The following SLC16A7 variants were observed in gnomAD, a reference collection of about 807,000 sequenced individuals.
SLC16A7 encodes monocarboxylate transporter 2.
SLC16A7 carries 33 observed loss-of-function variants against 34.9 expected under a neutral mutation model. That is an observed-to-expected ratio of 0.94 (90% CI 0.72 to 1.26). The LOEUF is 1.26. Ranked by LOEUF, SLC16A7 falls within the 50% of genes most tolerant of loss-of-function variation. SLC16A7 has a pLI of 0.00. For synonymous variants in SLC16A7, 201 were observed against 206.6 expected, an observed-to-expected ratio of 0.97 and a Z score of 0.23; for missense variants, 573 against 578.1, an observed-to-expected ratio of 0.99 and a Z score of 0.09.
chr12:59,735,727 CAT>C (rs1318706986), intron 3 of SLC16A7, among the ~76,000 whole-genome samples: 1 of 152,080 alleles, frequency 6.6e-6, no homozygotes, highest in African/African-American at 2.4e-5. Context: ...TATATTAAAA[CAT>C]AAATTTAATA....
At chr12:59,647,316 T>G (rs1162670864) in intron 1 of SLC16A7, among the ~76,000 whole-genome samples, 1 of 152,122 alleles carries the variant, frequency 6.6e-6, no homozygotes, top group Non-Finnish European at 1.5e-5. Context: ...CCTGTGCTGT[T>G]CCTGTGATAG....
intron 3 of SLC16A7, among the ~76,000 whole-genome samples, chr12:59,727,607 CTAATT>C (rs1349848672): frequency 3.3e-5 from 5 of 152,076 alleles, no homozygotes; most frequent in African/African-American, 1.2e-4. Flanking sequence ...AATTAGCCAT[CTAATT>C]TAAGTTCTAT....
chr12:59,691,134 T>C (rs369935835), intron 2 of SLC16A7, among the ~76,000 whole-genome samples: 2 of 152,128 alleles, frequency 1.3e-5, no homozygotes, highest in East Asian at 3.9e-4. Flanking sequence ...TCATACATGG[T>C]CACTTTCCAA....
chr12:59,650,654 T>A (rs1293303353), intron 1 of SLC16A7, among the ~76,000 whole-genome samples: 2 of 152,166 alleles, frequency 1.3e-5, no homozygotes. Context: ...AGTGAATATA[T>A]CTATTCACAT....
chr12:59,600,560 C>G lies in SLC16A7; in HGVS notation c.-130+4324C>G, dbSNP rs1878634975. Reference sequence around the variant, plus strand: ...GAGTCTACCTATGTGAGAGATCCAGCTGTTTAAAATCATAATATGAGAGAC... The same window carrying G: ...GAGTCTACCTATGTGAGAGATCCAGGTGTTTAAAATCATAATATGAGAGAC... On this transcript the variant is annotated intron_variant, in intron 1 of 5. Coordinates refer to ENST00000547379, the MANE Select transcript of SLC16A7 (RefSeq NM_001270623.2). Among the ~76,000 whole-genome samples the G allele has an allele frequency of 1.3e-5, 2 of 151,874 alleles. 1 individual carries two copies. The highest frequency in any genetic ancestry group is 4.2e-4 in the South Asian group (2 of 4,812).
At chr12:59,678,303 G>A (rs1870472233) in intron 2 of SLC16A7, among the ~76,000 whole-genome samples, 1 of 152,190 alleles carries the variant, frequency 6.6e-6, no homozygotes, top group South Asian at 2.1e-4. Context: ...CCTGTGTCCA[G>A]GAAGAATGAG....
At chr12:59,707,558 A>G (rs539714680) in intron 3 of SLC16A7, among the ~76,000 whole-genome samples, 364 of 152,070 alleles carry the variant, frequency 2.4e-3, no homozygotes, top group African/African-American at 7.3e-3. Flanking sequence ...GCACAAAAGA[A>G]CTCTTCTGAA....
At chr12:59,753,838 T>C (rs1225569292) in intron 3 of SLC16A7, among the ~76,000 whole-genome samples, 1 of 152,130 alleles carries the variant, frequency 6.6e-6, no homozygotes, top group African/African-American at 2.4e-5. Context: ...TATTCCAAAA[T>C]TGACCACATA....
rs141650282 is a variant in SLC16A7, at chr12:59,775,169, G to A, written c.874G>A (p.Val292Ile). The change falls in exon 5 of 6, where the codon GTT (valine) becomes ATT (isoleucine). Residue 292 changes from valine to isoleucine, a missense_variant. Coordinates refer to ENST00000547379, the MANE Select transcript of SLC16A7 (RefSeq NM_001270623.2). ...TTTTCTGCTATCTGTTATGGCTTTC[G>A]TTGATATGTTTGCTAGGCCTTCTGT... ...AAFLLSVMAF[V>I]DMFARPSVGL... 639 of 1,614,006 alleles carry A rather than the reference G, an allele frequency of 4.0e-4. No homozygotes were observed. Among genetic ancestry groups the A allele is most frequent in the Non-Finnish European group, 5.1e-4 (603 of 1,179,984 alleles).
intron 2 of SLC16A7, among the ~76,000 whole-genome samples, chr12:59,688,758 A>C (rs1390780462): frequency 6.6e-6 from 1 of 152,110 alleles, no homozygotes; most frequent in Non-Finnish European, 1.5e-5. Flanking sequence ...AAAACAACGT[A>C]GGTAAGATCT....
chr12:59,771,219 G>C lies in SLC16A7; in HGVS notation c.218G>C (p.Gly73Ala). The C allele has an allele frequency of 6.2e-7, 1 of 1,611,570 alleles. No individual in the cohort carries two copies. Among genetic ancestry groups the C allele is most frequent in the Non-Finnish European group, 8.5e-7 (1 of 1,178,784 alleles). The change falls in exon 4 of 6, where the codon GGT becomes GCT. Residue 73 changes from glycine to alanine, a missense_variant and splice_region_variant. Gly to Ala is a moderately conservative substitution (Grantham distance 60). Transcript: ENST00000547379. ...TTTCTTTATCTCCTCTCTGCTGTAGGTCCTGTAAGTAGTGTTTTGGTGAAT... is the reference window on the plus strand; with the variant it reads ...TTTCTTTATCTCCTCTCTGCTGTAGCTCCTGTAAGTAGTGTTTTGGTGAAT... ...SIMLAVMYAG[G>A]PVSSVLVNKY...
Position 59,732,817 on chromosome 12 carries a change from C to T in SLC16A7, c.217+27799C>T, listed in dbSNP as rs114060248. Among the ~76,000 whole-genome samples, 796 of 152,300 alleles carry T rather than the reference C, an allele frequency of 5.2e-3. 8 individuals carry two copies. Among genetic ancestry groups the T allele is most frequent in the African/African-American group, 0.015 (618 of 41,564 alleles). ...GTATAGCTAGAGGCCTCCTTATCCTCTCACTGCCAACACTAATTTTGCAAA... is the reference window on the plus strand; with the variant it reads ...GTATAGCTAGAGGCCTCCTTATCCTTTCACTGCCAACACTAATTTTGCAAA... On this transcript the variant is annotated intron_variant, in intron 3 of 5. Coordinates refer to ENST00000547379, the MANE Select transcript of SLC16A7 (RefSeq NM_001270623.2).
At chr12:59,625,802 T>C (rs1360376248) in intron 1 of SLC16A7, among the ~76,000 whole-genome samples, 1 of 151,752 alleles carries the variant, frequency 6.6e-6, no homozygotes, top group African/African-American at 2.4e-5. Flanking sequence ...AGAAGCAAAT[T>C]GAGGGAAAGG....
chr12:59,782,719 G>C lies in SLC16A7; in HGVS notation c.*3040G>C, dbSNP rs897012575. 1 of 152,056 alleles carries C rather than the reference G, an allele frequency of 6.6e-6. No homozygotes were observed. Among genetic ancestry groups the C allele is most frequent in the South Asian group, 2.1e-4 (1 of 4,828 alleles). The allele number at this position is 152,056 out of a possible 1,614,324, so 9.4% of individuals were successfully genotyped here. A position where few individuals can be genotyped will look rare whatever the true frequency, so the allele number is the denominator to read the frequency against. ...ATCACTAATTTATGAATAGAACATT[G>C]TGTTTGCACTTTTCCTGACCTATCC... On this transcript the variant is annotated 3_prime_UTR_variant, in exon 6 of 6. Transcript: ENST00000547379.
intron 2 of SLC16A7, among the ~76,000 whole-genome samples, chr12:59,673,849 A>G (rs1232170659): frequency 6.6e-6 from 1 of 152,126 alleles, no homozygotes; most frequent in Non-Finnish European, 1.5e-5. Context: ...TAGTTCTCCA[A>G]GGATATCATC....
chr12:59,781,851 C>G lies in SLC16A7; in HGVS notation c.*2172C>G, dbSNP rs541238059. 4.6e-5 allele frequency: 7 copies of G among 152,140 alleles called. No individual in the cohort carries two copies. The highest frequency in any genetic ancestry group is 1.4e-4 in the African/African-American group (6 of 41,498). The allele number at this position is 152,140 out of a possible 1,614,324, so 9.4% of individuals were successfully genotyped here. ...TTAAACTAATATGAACATCAGATAC[C>G]AGGGGGAAATAAATGGCAAAGTAAT... On this transcript the variant is annotated 3_prime_UTR_variant, in exon 6 of 6. Transcript: ENST00000547379.
chr12:59,740,035 G>A (rs2137278781), intron 3 of SLC16A7, among the ~76,000 whole-genome samples: 1 of 151,526 alleles, frequency 6.6e-6, no homozygotes, highest in South Asian at 2.1e-4. Context: ...CTGTGCAGAA[G>A]CTCTTTAGTT....
At chr12:59,664,932 C>G (rs778094763) in intron 2 of SLC16A7, 17 of 152,266 alleles carry the variant, frequency 1.1e-4, no homozygotes, top group African/African-American at 3.9e-4. Context: ...CGCAGGTTCT[C>G]TCTCTATTCA....
At position 59,787,316 on chromosome 12, in the gene SLC16A7, T is replaced by A. The variant is rs1373254955; in HGVS notation, c.*7637T>A. 1.3e-5 allele frequency: 2 copies of A among 152,186 alleles called. No individual in the cohort carries two copies. Among genetic ancestry groups the A allele is most frequent in the African/African-American group, 4.8e-5 (2 of 41,430 alleles). 9.4% of individuals were successfully genotyped at this position (152,186 alleles called of 1,614,324 possible). On this transcript the variant is annotated 3_prime_UTR_variant, in exon 6 of 6. Coordinates refer to ENST00000547379, the MANE Select transcript of SLC16A7 (RefSeq NM_001270623.2). Reference sequence around the variant, plus strand: ...TTCTTGATCTAAGAACCTGAACATATGTTAATGAAATTATTAGAGTAAGTT... The same window carrying A: ...TTCTTGATCTAAGAACCTGAACATAAGTTAATGAAATTATTAGAGTAAGTT...
Sources: gnomAD v4.1 joint callset for allele counts (sites outside exome capture counted in the v4.1 genomes callset) on GRCh38, gnomAD v4.1.1 for gene constraint, MANE v1.5 for transcripts, NCBI Gene and HGNC (gene_info 2026-07-23, HGNC 2026-07-21) for gene names.